Variants in EYS observed in about 807,000 individuals in gnomAD.
EYS encodes EGF-like photoreceptor maintenance factor.
Under a neutral mutation model 282.1 loss-of-function variants are expected in EYS, and 250 were observed. The observed-to-expected ratio is 0.89, with a 90% CI of 0.80 to 0.98. The LOEUF (loss-of-function observed/expected upper bound fraction) is 0.98. Ranked by LOEUF, EYS falls within the 50% of genes least tolerant of loss-of-function variation. EYS has a pLI of 0.00. For missense variants in EYS, 4,016 were observed against 3,709.0 expected (o/e 1.08, Z -2.15); for synonymous variants, 1,355 against 1,282.9 (o/e 1.06, Z -1.20).
chr6:65,407,769 GTGTGTGTGTGTGTGTGTA>G (rs1766815641), intron 5 of EYS, among the ~76,000 whole-genome samples: 1 of 151,170 alleles, frequency 6.6e-6, no homozygotes, highest in South Asian at 2.1e-4. Context: ...GTGTGTGTGT[GTGTGTGTGTGTGTGTGTA>G]TGTCTAACAA....
At chr6:63,825,801 GA>G (rs537261827) in intron 36 of EYS, among the ~76,000 whole-genome samples, 4 of 152,108 alleles carry the variant, frequency 2.6e-5, no homozygotes, top group Non-Finnish European at 5.9e-5. Flanking sequence ...GAAGGAACCA[GA>G]AAACCAACCC....
chr6:63,897,465 A>G (rs937776405), intron 35 of EYS, among the ~76,000 whole-genome samples: 1 of 152,210 alleles, frequency 6.6e-6, no homozygotes, highest in Non-Finnish European at 1.5e-5. Context: ...ATGTGACCAC[A>G]GAGATAGAGA....
chr6:63,958,151 T>C (rs78868408), intron 35 of EYS, among the ~76,000 whole-genome samples: 2,280 of 140,698 alleles, frequency 0.016, 167 homozygotes, highest in African/African-American at 0.051. Context: ...ACTAATATAA[T>C]TCATTTTGAG....
chr6:64,145,559 T>C (rs1016078192), intron 31 of EYS, among the ~76,000 whole-genome samples: 3 of 152,194 alleles, frequency 2.0e-5, no homozygotes, highest in Non-Finnish European at 4.4e-5. Context: ...AAGTGCCAAA[T>C]GAATAAAGCT....
chr6:65,336,326 G>A (rs570682198), intron 10 of EYS, among the ~76,000 whole-genome samples: 9 of 151,392 alleles, frequency 5.9e-5, no homozygotes, highest in Non-Finnish European at 1.3e-4. Flanking sequence ...TTTATTTGTT[G>A]AAATAATATG....
In EYS at chr6:64,179,985, C is replaced by T. The variant is rs144552434; in HGVS notation, c.6424+50607G>A. 5.9e-5 allele frequency among the ~76,000 whole-genome samples: 9 copies of T among 152,004 alleles called. No individual in the cohort carries two copies. In the East Asian group the frequency reaches 9.7e-4, roughly 16 times the overall value. Reference sequence around the variant, plus strand: ...GTATACAGATAACACATTAGGAAGACGTTATCAGATCTGAGGTTTGAGATA... The same window carrying T: ...GTATACAGATAACACATTAGGAAGATGTTATCAGATCTGAGGTTTGAGATA... On this transcript the variant is annotated intron_variant, in intron 31 of 42. Coordinates refer to ENST00000503581, the MANE Select transcript of EYS (RefSeq NM_001142800.2).
intron 22 of EYS, among the ~76,000 whole-genome samples, chr6:64,734,104 A>G (rs148713054): frequency 7.3e-6 from 1 of 136,434 alleles, no homozygotes; most frequent in East Asian, 2.1e-4. Flanking sequence ...TCTTCTGCCC[A>G]TATTGCAGAT....
intron 12 of EYS, among the ~76,000 whole-genome samples, chr6:65,217,744 A>T (rs1766352294): frequency 6.6e-6 from 1 of 152,124 alleles, no homozygotes; most frequent in South Asian, 2.1e-4. Context: ...TAGGGATGTC[A>T]AAGTGTAAAA....
intron 12 of EYS, among the ~76,000 whole-genome samples, chr6:65,217,657 G>C (rs544634862): frequency 6.6e-6 from 1 of 152,056 alleles, no homozygotes; most frequent in African/African-American, 2.4e-5. Context: ...AAGCAGGAAT[G>C]CAATGAAAAG....
chr6:65,634,273 G>A (rs968268619), intron 2 of EYS, among the ~76,000 whole-genome samples: 16 of 152,258 alleles, frequency 1.1e-4, no homozygotes, highest in Non-Finnish European at 1.6e-4. Flanking sequence ...CCTGGACTTC[G>A]TGGATCTATA....
At chr6:64,305,118 T>C (rs1769390717) in intron 30 of EYS, among the ~76,000 whole-genome samples, 1 of 152,214 alleles carries the variant, frequency 6.6e-6, no homozygotes, top group Admixed American at 6.5e-5. Flanking sequence ...TAGTTGATGA[T>C]ATTGTAAATA....
At chr6:63,763,929 C>T (rs1476187564) in intron 40 of EYS, among the ~76,000 whole-genome samples, 1 of 136,154 alleles carries the variant, frequency 7.3e-6, no homozygotes, top group African/African-American at 2.7e-5. Context: ...GTCAGGGCAC[C>T]GTGTGTTTAT....
intron 31 of EYS, among the ~76,000 whole-genome samples, chr6:64,140,600 G>A (rs1436262374): frequency 6.6e-6 from 1 of 152,176 alleles, no homozygotes; most frequent in Non-Finnish European, 1.5e-5. Context: ...AGTTTGGGCT[G>A]TGTATGCCCC....
intron 2 of EYS, among the ~76,000 whole-genome samples, chr6:65,503,449 C>G (rs1766535291): frequency 6.6e-6 from 1 of 151,556 alleles, no homozygotes; most frequent in Non-Finnish European, 1.5e-5. Context: ...GCAGATTTTA[C>G]TTTTAAAAAA....
chr6:64,381,309 C>T (rs1772740864), intron 29 of EYS, among the ~76,000 whole-genome samples: 1 of 152,084 alleles, frequency 6.6e-6, no homozygotes, highest in South Asian at 2.1e-4. Flanking sequence ...GTGGTTATCC[C>T]TGTACTGATT....
chr6:64,993,266 A>G (rs971328549), intron 14 of EYS, among the ~76,000 whole-genome samples: 1 of 151,840 alleles, frequency 6.6e-6, no homozygotes, highest in African/African-American at 2.4e-5. Flanking sequence ...TGCTATTGTG[A>G]ATAGTGCCAC....
chr6:64,184,074 T>A (rs561904010), intron 31 of EYS, among the ~76,000 whole-genome samples: 1 of 152,282 alleles, frequency 6.6e-6, no homozygotes, highest in East Asian at 1.9e-4. Flanking sequence ...ATCTTCTCAC[T>A]GTGTCCCTCC....
intron 13 of EYS, among the ~76,000 whole-genome samples, chr6:65,005,853 C>T (rs893326452): frequency 6.6e-6 from 1 of 152,230 alleles, no homozygotes; most frequent in Admixed American, 6.5e-5. Flanking sequence ...GTCGCCCATG[C>T]GTGCACCCCT....
rs368312789 is a variant in EYS, at chr6:64,305,650, C to CAT, written c.6191+1318_6191+1319dup. 2.4e-3 allele frequency among the ~76,000 whole-genome samples: 366 copies of CAT among 152,284 alleles called. 2 individuals are homozygous for CAT. Among genetic ancestry groups the CAT allele is most frequent in the African/African-American group, 8.4e-3 (351 of 41,570 alleles). On this transcript the variant is annotated intron_variant, in intron 30 of 42. Transcript: ENST00000503581. ...GGGAAGAATGGTCTGGTCTTGTGAA[C>CAT]ATATGGTGTTGGAGAAACTGGATAT...
Sources: gnomAD v4.1 joint callset for allele counts (sites outside exome capture counted in the v4.1 genomes callset) on GRCh38, gnomAD v4.1.1 for gene constraint, MANE v1.5 for transcripts, NCBI Gene and HGNC (gene_info 2026-07-23, HGNC 2026-07-21) for gene names.